The following DNM1 variants were observed in gnomAD, a reference collection of about 807,000 sequenced individuals.
DNM1 encodes the protein dynamin 1, also known as dynamin-1.
DNM1 carries 29 observed loss-of-function variants against 104.6 expected under a neutral mutation model. That is an observed-to-expected ratio of 0.28 (90% CI 0.21 to 0.38). The LOEUF is 0.38. Ranked by LOEUF, DNM1 falls within the 10% of genes least tolerant of loss-of-function variation. The pLI is 1.00. For synonymous variants in DNM1, 445 were observed against 475.8 expected (o/e 0.94, Z 0.84); for missense variants, 640 against 1,189.4 (o/e 0.54, Z 6.79).
In DNM1 at chr9:128,218,820, C is replaced by T. The variant is rs1237856701; in HGVS notation, c.385+89C>T. ...CCTCGCTCCTCCTGCAGACTCCGCCCCTAGAATGACCCTGCCTCTGCATCA... is the reference window on the plus strand; with the variant it reads ...CCTCGCTCCTCCTGCAGACTCCGCCTCTAGAATGACCCTGCCTCTGCATCA... On this transcript the variant is annotated intron_variant, in intron 3 of 21. Coordinates refer to ENST00000372923, the MANE Select transcript of DNM1 (RefSeq NM_004408.4). The surrounding 1 kb of genome is among the most constrained non-coding windows in gnomAD (Gnocchi z 4.8). 4.8e-6 allele frequency: 7 copies of T among 1,451,618 alleles called. No homozygotes were observed. Among genetic ancestry groups the T allele is most frequent in the Non-Finnish European group, 5.5e-6 (6 of 1,089,844 alleles). 89.9% of individuals were successfully genotyped at this position (1,451,618 alleles called of 1,614,324 possible).
Position 128,248,311 on chromosome 9 carries a change from A to C in DNM1, c.1906-272A>C, listed in dbSNP as rs973779098. The C allele has an allele frequency of 3.7e-5, 18 of 489,556 alleles. No individual in the cohort carries two copies. The highest frequency in any genetic ancestry group is 5.4e-4 in the Middle Eastern group (1 of 1,838). 30.3% of individuals were successfully genotyped at this position (489,556 alleles called of 1,614,324 possible). The stretch of plus-strand genomic sequence containing the variant: ...TGCACTCCAGCCTGGGTGACAAAGC[A>C]AGACTTTCTCAAAATAATAATAATA... On this transcript the variant is annotated intron_variant, in intron 18 of 21. Transcript: ENST00000372923. This position sits in a 1 kb window ranked among gnomAD's most constrained non-coding sequence, Gnocchi z 5.6.
chr9:128,209,617 G>A (rs1834171819), intron 1 of DNM1, among the ~76,000 whole-genome samples: 1 of 152,202 alleles, frequency 6.6e-6, no homozygotes, highest in South Asian at 2.1e-4. Context: ...CAGACTCCTT[G>A]GAGTTCCGTG....
In DNM1 at chr9:128,225,995, G is replaced by A. The variant is rs531338168; in HGVS notation, c.1335+1606G>A. The A allele has an allele frequency of 2.6e-5, 42 of 1,606,036 alleles. No individual in the cohort carries two copies. The African/African-American group carries it at 4.3e-4, about 16-fold the overall frequency. On this transcript the variant is annotated intron_variant, in intron 10 of 21. Transcript: ENST00000372923. ...CACCCACTTCTCCTCCCCACCCACG[G>A]CTGCTCCTCCTCCTGTCCCCACCTC...
In DNM1 at chr9:128,245,890, A is replaced by G. The variant is rs1160977411; in HGVS notation, c.1672-504A>G. Among the ~76,000 whole-genome samples the G allele has an allele frequency of 6.6e-6, 1 of 152,248 alleles. No homozygotes were observed. Among genetic ancestry groups the G allele is most frequent in the Non-Finnish European group, 1.5e-5 (1 of 68,042 alleles). On this transcript the variant is annotated intron_variant, in intron 15 of 21. Transcript: ENST00000372923. This position sits in a 1 kb window ranked among gnomAD's most constrained non-coding sequence, Gnocchi z 5.2. ...AAACACACAACTACACACATGTTGC[A>G]CACACAGGCACACCATCTCCAGGCT...
intron 15 of DNM1, chr9:128,244,669 C>T (rs1437361591): frequency 1.6e-5 from 8 of 490,450 alleles, no homozygotes; most frequent in South Asian, 6.0e-5. Flanking sequence ...CTCCAGGCTC[C>T]GGTTCTGGGA....
intron 1 of DNM1, among the ~76,000 whole-genome samples, chr9:128,205,946 AG>A (rs1833933755): frequency 6.6e-6 from 1 of 152,136 alleles, no homozygotes. Context: ...GAGGATGTGC[AG>A]GGTGTCCAGA....
In DNM1 at chr9:128,222,558, C is replaced by T; in HGVS notation, c.1090C>T (p.Arg364Ter). ...ACTGTCAGGGGGAGCCCGCATTAAC[C>T]GAATCTTCCACGAGCGCTTCCCTTT... Reference protein sequence around the residue: ...YELSGGARINRIFHERFPFEL... With the variant: ...YELSGGARIN The change falls in exon 8 of 22, where the codon CGA becomes TGA. Residue 364 changes from arginine to a stop codon, truncating the protein, a stop_gained. Transcript: ENST00000372923. LOFTEE classifies it high-confidence loss of function. This position sits in a 1 kb window ranked among gnomAD's most constrained non-coding sequence, Gnocchi z 7.8. The T allele has an allele frequency of 6.2e-7, 1 of 1,614,160 alleles. No individual in the cohort carries two copies. The highest frequency in any genetic ancestry group is 8.5e-7 in the Non-Finnish European group (1 of 1,180,020).
intron 6 of DNM1, chr9:128,221,043 T>TTCTTTCTCTCTTTCTCTCTTTCTTTCTC (rs1473002354): frequency 6.8e-6 from 1 of 147,484 alleles, no homozygotes; most frequent in Non-Finnish European, 1.5e-5. Flanking sequence ...CTTTCTCTCT[T>TTCTTTCTCTCTTTCTCTCTTTCTTTCTC]TCTTTCTCTC....
At chr9:128,215,709 C>G (rs535368930) in intron 1 of DNM1, among the ~76,000 whole-genome samples, 26 of 152,328 alleles carry the variant, frequency 1.7e-4, no homozygotes, top group African/African-American at 5.8e-4. Flanking sequence ...CTGCGTGGGC[C>G]TGTCTGCTCA....
intron 1 of DNM1, among the ~76,000 whole-genome samples, chr9:128,211,930 T>C (rs1346508702): frequency 1.3e-5 from 2 of 152,222 alleles, no homozygotes; most frequent in Non-Finnish European, 2.9e-5. Context: ...TATCTAGTCA[T>C]GACTGTGTTA....
In DNM1 at chr9:128,203,728, G is replaced by C; in HGVS notation, c.161+97G>C. On this transcript the variant is annotated intron_variant, in intron 1 of 21. Transcript: ENST00000372923. This position sits in a 1 kb window ranked among gnomAD's most constrained non-coding sequence, Gnocchi z 5.3. ...ACGGCGCGGCGACCTCGCAGCCCCC[G>C]ACGCTGCACCCGCGGCCGGCGCGCC... The C allele has an allele frequency of 8.5e-7, 1 of 1,177,400 alleles. No homozygotes were observed. The highest frequency in any genetic ancestry group is 3.5e-5 in the East Asian group (1 of 28,284). The allele number at this position is 1,177,400 out of a possible 1,614,324, so 72.9% of individuals were successfully genotyped here.
At position 128,222,789 on chromosome 9, in the gene DNM1, A is replaced by G; in HGVS notation, c.1129-4A>G. On this transcript the variant is annotated splice_region_variant and splice_polypyrimidine_tract_variant and intron_variant, in intron 8 of 21. Transcript: ENST00000372923. This position sits in a 1 kb window ranked among gnomAD's most constrained non-coding sequence, Gnocchi z 7.8. ...ACCAGGCTTTTCTCTGCTTTTCTAC[A>G]CAGATGGAGTTTGATGAGAAGGAAC... 6.2e-7 allele frequency: 1 copy of G among 1,614,032 alleles called. No individual in the cohort carries two copies. Among genetic ancestry groups the G allele is most frequent in the Non-Finnish European group, 8.5e-7 (1 of 1,179,976 alleles).
chr9:128,246,904 C>G, intron 16 of DNM1: 1 of 263,748 alleles, frequency 3.8e-6, no homozygotes, highest in Admixed American at 4.4e-5. Flanking sequence ...CCTAGTCAGG[C>G]CTGGTCCTCT....
In DNM1 at chr9:128,220,905, C is replaced by CTTTCTTTCTTTT. The variant is rs71381747; in HGVS notation, c.849+575_849+576insTTTTCTTTCTTT. 6.8e-6 allele frequency among the ~76,000 whole-genome samples: 1 copy of CTTTCTTTCTTTT among 146,328 alleles called. No homozygotes were observed. The highest frequency in any genetic ancestry group is 2.5e-5 in the African/African-American group (1 of 40,050). On this transcript the variant is annotated intron_variant, in intron 6 of 21. Coordinates refer to ENST00000372923, the MANE Select transcript of DNM1 (RefSeq NM_004408.4). The surrounding 1 kb of genome is among the most constrained non-coding windows in gnomAD (Gnocchi z 5.2). ...ATTTGTTTTCTTTCTTTCTTTCTTT[C>CTTTCTTTCTTTT]TTTCTTTCTTTCTTTCTTTCTTTCT...
chr9:128,240,023 C>A lies in DNM1; in HGVS notation c.1557+27C>A, dbSNP rs1180971927. 1.8e-5 allele frequency: 29 copies of A among 1,613,838 alleles called. No individual in the cohort carries two copies. Among genetic ancestry groups the A allele is most frequent in the Non-Finnish European group, 2.5e-5 (29 of 1,179,870 alleles). On this transcript the variant is annotated intron_variant, in intron 14 of 21. Transcript: ENST00000372923. The surrounding 1 kb of genome is among the most constrained non-coding windows in gnomAD (Gnocchi z 5.1). ...TGAGTACCAGGACTGGGGCTCTCGG[C>A]TTGTGTAGTGAGGGGGCGGAGGGTC...
chr9:128,215,777 T>C (rs1834566875), intron 1 of DNM1, among the ~76,000 whole-genome samples: 1 of 152,160 alleles, frequency 6.6e-6, no homozygotes, highest in Non-Finnish European at 1.5e-5. Context: ...TGTGGGGGAC[T>C]CTTTGTGGGG....
intron 1 of DNM1, among the ~76,000 whole-genome samples, chr9:128,212,587 A>G (rs147419683): frequency 2.0e-5 from 3 of 152,370 alleles, no homozygotes; most frequent in Non-Finnish European, 4.4e-5. Context: ...ATGATATGTT[A>G]GGTGAATAGA....
chr9:128,210,555 G>T (rs530700495), intron 1 of DNM1, among the ~76,000 whole-genome samples: 76 of 152,114 alleles, frequency 5.0e-4, no homozygotes, highest in African/African-American at 1.8e-3. Context: ...TAGAGATGGG[G>T]TTTCACCATA....
Position 128,220,926 on chromosome 9 carries a change from T to TTTCTTTCC in DNM1, c.849+592_849+593insCTTCTTTC, listed in dbSNP as rs1554773951. On this transcript the variant is annotated intron_variant, in intron 6 of 21. Transcript: ENST00000372923. The surrounding 1 kb of genome is among the most constrained non-coding windows in gnomAD (Gnocchi z 5.2). ...CTTTCTTTCTTTCTTTCTTTCTTTC[T>TTTCTTTCC]TTCTTTCTTTTCTTTTCTTTCTTTC... Among the ~76,000 whole-genome samples the TTTCTTTCC allele has an allele frequency of 7.1e-6, 1 of 140,070 alleles. No homozygotes were observed. The highest frequency in any genetic ancestry group is 2.6e-5 in the African/African-American group (1 of 39,060). 91.9% of individuals were successfully genotyped at this position (140,070 alleles called of 152,430 possible). A position where few individuals can be genotyped will look rare whatever the true frequency, so the allele number is the denominator to read the frequency against.
Sources: allele counts gnomAD v4.1 joint callset (sites outside exome capture counted in the v4.1 genomes callset), GRCh38; gene constraint gnomAD v4.1.1; non-coding constraint Gnocchi (gnomAD v3.1); transcripts MANE v1.5; gene names NCBI Gene and HGNC (gene_info 2026-07-23, HGNC 2026-07-21).